The following PARM1 variants were observed in gnomAD, a reference collection of about 807,000 sequenced individuals.
PARM1 encodes the protein WSC4, cell wall integrity and stress response component 4 homolog.
A neutral mutation model predicts 24.6 loss-of-function variants in PARM1; 14 were observed. The ratio of observed to expected loss-of-function variants is 0.57; its 90% CI spans 0.38 to 0.89. The LOEUF (loss-of-function observed/expected upper bound fraction) is 0.89, where lower values mean the gene tolerates loss of function less well. Among genes scored for constraint, PARM1 ranks in the 40% least tolerant of loss-of-function variants. PARM1 has a pLI of 0.00. For synonymous variants in PARM1, 179 were observed against 156.6 expected, an observed-to-expected ratio of 1.14 and a Z score of -1.07; for missense variants, 362 against 380.4, an observed-to-expected ratio of 0.95 and a Z score of 0.40.
intron 1 of PARM1, among the ~76,000 whole-genome samples, chr4:74,935,241 A>G (rs1005255917): frequency 3.9e-5 from 6 of 152,138 alleles, no homozygotes; most frequent in African/African-American, 7.2e-5. Context: ...TTCGATATGC[A>G]TATCCCAAGC....
intron 3 of PARM1, among the ~76,000 whole-genome samples, chr4:75,034,258 C>T (rs765568641): frequency 6.6e-6 from 1 of 152,092 alleles, no homozygotes; most frequent in Non-Finnish European, 1.5e-5. Flanking sequence ...CCAAATGTAC[C>T]TCATTACCCT....
chr4:75,016,547 C>A (rs1411293232), intron 2 of PARM1, among the ~76,000 whole-genome samples: 2 of 152,102 alleles, frequency 1.3e-5, no homozygotes, highest in Admixed American at 6.5e-5. Context: ...AGTTTTTCAG[C>A]CCTTCCCCCA....
chr4:75,040,896 C>T (rs1723470138), intron 3 of PARM1, among the ~76,000 whole-genome samples: 2 of 152,138 alleles, frequency 1.3e-5, no homozygotes, highest in African/African-American at 4.8e-5. Context: ...CATGGCTCAT[C>T]CGTCATCTCC....
chr4:74,952,268 C>T lies in PARM1; in HGVS notation c.43+18898C>T, dbSNP rs796697563. Among the ~76,000 whole-genome samples, 55 of 152,204 alleles carry T rather than the reference C, an allele frequency of 3.6e-4. 1 individual carries two copies. The highest frequency in any genetic ancestry group is 8.4e-4 in the African/African-American group (35 of 41,530). ...GCAGTGTCTGTTCATATACTTTGCC[C>T]GCTTTTTAATGGGGTTGTTTATTTT... On this transcript the variant is annotated intron_variant, in intron 1 of 3. Coordinates refer to ENST00000307428, the MANE Select transcript of PARM1 (RefSeq NM_015393.4).
chr4:75,020,009 C>CAAAAAAAAAAAAA (rs1161399344), intron 2 of PARM1, among the ~76,000 whole-genome samples: 2 of 31,100 alleles, frequency 6.4e-5, no homozygotes, highest in Non-Finnish European at 2.2e-4. Context: ...GACTCCGTCT[C>CAAAAAAAAAAAAA]AAAAAAAAAA....
chr4:75,046,330 G>T lies in PARM1; in HGVS notation c.*83G>T, dbSNP rs761960895. 6 of 873,208 alleles carry T rather than the reference G, an allele frequency of 6.9e-6. No homozygotes were observed. The highest frequency in any genetic ancestry group is 1.5e-5 in the South Asian group (1 of 66,506). 54.1% of individuals were successfully genotyped at this position (873,208 alleles called of 1,614,324 possible). A position where few individuals can be genotyped will look rare whatever the true frequency, so the allele number is the denominator to read the frequency against. ...AGTAGAATTAATAAGTACCTGATGC[G>T]CATTGAACGACAATCTTAAGCCCTG... On this transcript the variant is annotated 3_prime_UTR_variant, in exon 4 of 4. Transcript: ENST00000307428.
intron 2 of PARM1, among the ~76,000 whole-genome samples, chr4:75,022,311 G>A (rs28461358): frequency 0.17 from 25,841 of 152,140 alleles, 4,087 homozygotes; most frequent in African/African-American, 0.42. Flanking sequence ...AGGGGCTCCA[G>A]CTGTCAGATT....
intron 1 of PARM1, among the ~76,000 whole-genome samples, chr4:74,941,188 A>G (rs1721301944): frequency 6.6e-6 from 1 of 152,330 alleles, no homozygotes; most frequent in Non-Finnish European, 1.5e-5. Flanking sequence ...AAAAATTACA[A>G]TGTTGATGGA....
chr4:75,044,821 G>T (rs138268270), intron 3 of PARM1, among the ~76,000 whole-genome samples: 1 of 152,130 alleles, frequency 6.6e-6, no homozygotes, highest in Admixed American at 6.5e-5. Flanking sequence ...AGGCAAGGAG[G>T]CACAAGTCAC....
chr4:75,030,122 AT>A (rs1461627381), intron 2 of PARM1, among the ~76,000 whole-genome samples: 1 of 152,166 alleles, frequency 6.6e-6, no homozygotes, highest in Non-Finnish European at 1.5e-5. Context: ...CAACACTGTA[AT>A]TTTACCCAGG....
intron 3 of PARM1, among the ~76,000 whole-genome samples, chr4:75,037,746 T>C (rs1447953508): frequency 6.6e-6 from 1 of 152,216 alleles, no homozygotes; most frequent in Non-Finnish European, 1.5e-5. Flanking sequence ...TTCTACTTAC[T>C]ATTTAGGCGG....
At chr4:74,970,852 T>TA (rs1361116603) in intron 1 of PARM1, among the ~76,000 whole-genome samples, 32 of 152,190 alleles carry the variant, frequency 2.1e-4, no homozygotes, top group Non-Finnish European at 2.9e-5. Flanking sequence ...AGAGGCAATA[T>TA]AGAGTTGTGG....
Position 74,972,062 on chromosome 4 carries a change from A to G in PARM1, c.43+38692A>G, listed in dbSNP as rs1240608256. Reference sequence around the variant, plus strand: ...TGTAAGTCTGCAAAGATGAGCAAGGATATTGACAACATGCACGCCCTGTCT... The same window carrying G: ...TGTAAGTCTGCAAAGATGAGCAAGGGTATTGACAACATGCACGCCCTGTCT... On this transcript the variant is annotated intron_variant, in intron 1 of 3. Transcript: ENST00000307428. Among the ~76,000 whole-genome samples the G allele has an allele frequency of 2.6e-5, 4 of 152,200 alleles. No homozygotes were observed. In the East Asian group the frequency reaches 7.7e-4, roughly 29 times the overall value.
At chr4:74,933,457 G>A in intron 1 of PARM1, 87 bp downstream of exon 1, 3 of 1,179,020 alleles carry the variant, frequency 2.5e-6, no homozygotes, top group East Asian at 2.3e-5. Flanking sequence ...TAGGAGATCC[G>A]GCAGTGAGTC....
At chr4:75,046,140 A>T in intron 3 of PARM1, 23 bp from the exon 4 acceptor site, 1 of 1,555,390 alleles carries the variant, frequency 6.4e-7, no homozygotes. Context: ...AGTAATCACA[A>T]CCCTCTTCTG....
At position 74,996,107 on chromosome 4, in the gene PARM1, C is replaced by G. The variant is rs925618027; in HGVS notation, c.44-16318C>G. Among the ~76,000 whole-genome samples, 5 of 152,280 alleles carry G rather than the reference C, an allele frequency of 3.3e-5. No homozygotes were observed. The South Asian group carries it at 1.0e-3, about 32-fold the overall frequency. ...CTCTTACTCATCTTTCCCATCCAAT[C>G]TGAGAGGTCACTTCCCTTTGAAAGT... On this transcript the variant is annotated intron_variant, in intron 1 of 3. Transcript: ENST00000307428.
intron 3 of PARM1, among the ~76,000 whole-genome samples, 153 bp downstream of exon 3, chr4:75,034,114 A>G (rs1723326149): frequency 6.6e-6 from 1 of 152,208 alleles, no homozygotes; most frequent in Non-Finnish European, 1.5e-5. Context: ...CTCCTACACC[A>G]CACAACACAG....
intron 1 of PARM1, chr4:74,957,333 G>A (rs554660256): frequency 3.3e-5 from 5 of 152,260 alleles, no homozygotes; most frequent in African/African-American, 9.6e-5. Context: ...TATTCAGCAC[G>A]TCTTATCTGG....
intron 2 of PARM1, among the ~76,000 whole-genome samples, chr4:75,019,014 G>C (rs1229538744): frequency 1.3e-5 from 2 of 152,234 alleles, no homozygotes; most frequent in African/African-American, 4.8e-5. Context: ...GGGTCCCAGG[G>C]GTAGAGCTGC....
Sources: allele counts gnomAD v4.1 joint callset (sites outside exome capture counted in the v4.1 genomes callset), GRCh38; gene constraint gnomAD v4.1.1; transcripts MANE v1.5; gene names NCBI Gene and HGNC (gene_info 2026-07-23, HGNC 2026-07-21).